Variants in GOLGA4 observed in about 807,000 individuals in gnomAD.
GOLGA4 encodes the protein golgin A4, also known as golgin subfamily A member 4.
GOLGA4 carries 169 observed loss-of-function variants against 265.9 expected under a neutral mutation model. That is an observed-to-expected ratio of 0.64 (90% CI 0.56 to 0.72). GOLGA4 has a LOEUF of 0.72. GOLGA4 is among the 30% of genes least tolerant of loss of function. The pLI, the probability that GOLGA4 is intolerant of heterozygous loss-of-function variation, is 0.00. For missense variants in GOLGA4, 2,482 were observed against 2,483.4 expected (o/e 1.00, Z 0.01); for synonymous variants, 923 against 855.8 (o/e 1.08, Z -1.37).
chr3:37,315,807 T>C (rs2096936025), intron 11 of GOLGA4, among the ~76,000 whole-genome samples: 1 of 152,226 alleles, frequency 6.6e-6, no homozygotes, highest in African/African-American at 2.4e-5. Context: ...TTCTCTCCAG[T>C]GGACTATGTT....
intron 3 of GOLGA4, among the ~76,000 whole-genome samples, chr3:37,285,097 C>G (rs1168786972): frequency 6.6e-6 from 1 of 151,654 alleles, no homozygotes; most frequent in Non-Finnish European, 1.5e-5. Flanking sequence ...TTAGCACTTC[C>G]AAAGTAGGGT....
Position 37,325,871 on chromosome 3 carries a change from A to T in GOLGA4, c.3985A>T (p.Asn1329Tyr). The change falls in exon 14 of 24, where the codon AAT becomes TAT. Residue 1329 changes from asparagine (N) to tyrosine (Y), a missense_variant. Coordinates refer to ENST00000361924, the MANE Select transcript of GOLGA4 (RefSeq NM_002078.5). ...EKEALQKEGGNQQQAASEKES... is the reference protein window; with the variant it reads ...EKEALQKEGGYQQQAASEKES... ...AGAAGCCTTACAGAAGGAAGGAGGC[A>T]ATCAGCAACAGGCTGCTTCTGAAAA... is the stretch of plus-strand genomic sequence containing the variant. 3.7e-6 allele frequency: 6 copies of T among 1,613,762 alleles called. No homozygotes were observed. Among genetic ancestry groups the T allele is most frequent in the Non-Finnish European group, 5.1e-6 (6 of 1,179,784 alleles).
chr3:37,287,168 C>T (rs2150796371), intron 4 of GOLGA4, among the ~76,000 whole-genome samples: 1 of 152,296 alleles, frequency 6.6e-6, no homozygotes, highest in African/African-American at 2.4e-5. Flanking sequence ...TGATGAAACC[C>T]TGTCTCTACT....
intron 2 of GOLGA4, chr3:37,276,096 G>A: frequency 6.2e-7 from 1 of 1,611,762 alleles, no homozygotes; most frequent in South Asian, 1.1e-5. Context: ...CGGGCACCAA[G>A]CACTTCTGAT....
chr3:37,298,253 TC>T (rs1215412233), intron 7 of GOLGA4, among the ~76,000 whole-genome samples: 1 of 152,096 alleles, frequency 6.6e-6, no homozygotes, highest in African/African-American at 2.4e-5. Flanking sequence ...CATTCACGGA[TC>T]CGAGTTTTTA....
chr3:37,307,781 C>T (rs952576842), intron 10 of GOLGA4, among the ~76,000 whole-genome samples: 23 of 152,136 alleles, frequency 1.5e-4, no homozygotes, highest in Non-Finnish European at 3.1e-4. Flanking sequence ...CCAACAATGT[C>T]ACTATTACTT....
At chr3:37,360,212 T>G (rs894921348) in intron 22 of GOLGA4, among the ~76,000 whole-genome samples, 3 of 152,232 alleles carry the variant, frequency 2.0e-5, no homozygotes, top group Non-Finnish European at 4.4e-5. Context: ...TTATTCCACC[T>G]TATTACAAAT....
At chr3:37,292,333 C>T (rs760734608) in intron 5 of GOLGA4, among the ~76,000 whole-genome samples, 20 of 152,098 alleles carry the variant, frequency 1.3e-4, no homozygotes, top group Non-Finnish European at 2.2e-4. Context: ...TGTTGTATTT[C>T]GGAATAAAGA....
At chr3:37,257,509 T>G (rs536291363) in intron 2 of GOLGA4, among the ~76,000 whole-genome samples, 1 of 152,154 alleles carries the variant, frequency 6.6e-6, no homozygotes, top group African/African-American at 2.4e-5. Context: ...TAAGAAGGCA[T>G]GTACATCTCT....
At chr3:37,296,465 T>C (rs1048249068) in intron 7 of GOLGA4, among the ~76,000 whole-genome samples, 1 of 152,176 alleles carries the variant, frequency 6.6e-6, no homozygotes, top group Non-Finnish European at 1.5e-5. Context: ...CTGATAGATA[T>C]GGGCTGAGGT....
rs765556203 is a variant in GOLGA4 at position 37,251,408 on chromosome 3, C to A, written c.86C>A (p.Ser29Tyr). The stretch of plus-strand genomic sequence containing the variant: ...TTTTAAATCTAGGCGTCCTCCAATT[C>A]TTCAACACCAACAAGAATGAGGAGC... ...ALAPAQASSN[S>Y]STPTRMRSRT... Residue 29 changes from serine (S) to tyrosine (Y), a missense_variant, in exon 2 of 24, where the codon TCT becomes TAT. Transcript: ENST00000361924. 1 of 1,610,856 alleles carries A rather than the reference C, an allele frequency of 6.2e-7. No homozygotes were observed. The highest frequency in any genetic ancestry group is 8.5e-7 in the Non-Finnish European group (1 of 1,177,110).
At chr3:37,267,189 G>C (rs2096786045) in intron 2 of GOLGA4, among the ~76,000 whole-genome samples, 1 of 152,298 alleles carries the variant, frequency 6.6e-6, no homozygotes, top group Admixed American at 6.5e-5. Flanking sequence ...CTTCAGTAAT[G>C]AAGCTACCTT....
At chr3:37,321,456 G>T (rs1029494168) in intron 12 of GOLGA4, 16 of 299,862 alleles carry the variant, frequency 5.3e-5, no homozygotes, top group Admixed American at 1.0e-4. Context: ...ACATTCAGCA[G>T]TGTTTCGTAA....
chr3:37,251,350 A>C (rs2096733090), intron 1 of GOLGA4, 45 bp from the exon 2 acceptor site: 1 of 1,163,742 alleles, frequency 8.6e-7, no homozygotes, highest in Non-Finnish European at 1.3e-6. Flanking sequence ...ATAGTTCACT[A>C]GTCAATATAG....
intron 2 of GOLGA4, among the ~76,000 whole-genome samples, chr3:37,258,355 A>G (rs1003057303): frequency 6.6e-6 from 1 of 150,972 alleles, no homozygotes; most frequent in Non-Finnish European, 1.5e-5. Context: ...CTCTGTATAT[A>G]TATGCTCTGT....
intron 4 of GOLGA4, among the ~76,000 whole-genome samples, chr3:37,287,104 G>A (rs1364180902): frequency 6.6e-6 from 1 of 152,222 alleles, no homozygotes; most frequent in Admixed American, 6.5e-5. Flanking sequence ...ACTTTGGGAG[G>A]CCAAGGCGGG....
intron 2 of GOLGA4, among the ~76,000 whole-genome samples, chr3:37,257,185 G>A (rs1488389279): frequency 6.6e-6 from 1 of 152,034 alleles, no homozygotes; most frequent in East Asian, 1.9e-4. Flanking sequence ...GTTACCTTTT[G>A]TGTCTGACCA....
intron 2 of GOLGA4, among the ~76,000 whole-genome samples, chr3:37,263,975 G>A (rs755405144): frequency 1.3e-5 from 2 of 151,988 alleles, no homozygotes; most frequent in Non-Finnish European, 2.9e-5. Flanking sequence ...ACTTTCTCAG[G>A]CATAAGAAGG....
At position 37,322,024 on chromosome 3, in the gene GOLGA4, G is replaced by T. The variant is rs2150952946; in HGVS notation, c.1701+138G>T. The T allele has an allele frequency of 1.0e-5, 7 of 686,840 alleles. No homozygotes were observed. In the South Asian group the frequency reaches 1.2e-4, roughly 12 times the overall value. The allele number at this position is 686,840 out of a possible 1,614,324, so 42.5% of individuals were successfully genotyped here. ...CATGCCCTTCATTTTTAGGTAGTGT[G>T]AGCTATGCATGGGAGTGGATTTGGC... On this transcript the variant is annotated intron_variant, in intron 13 of 23. Transcript: ENST00000361924.
Sources: gnomAD v4.1 joint callset for allele counts (sites outside exome capture counted in the v4.1 genomes callset) on GRCh38, gnomAD v4.1.1 for gene constraint, MANE v1.5 for transcripts, NCBI Gene and HGNC (gene_info 2026-07-23, HGNC 2026-07-21) for gene names.